Variants in KCNH1 observed in about 807,000 individuals in gnomAD.
KCNH1 encodes the protein voltage-gated delayed rectifier potassium channel KCNH1.
In KCNH1, 27 loss-of-function variants were observed where a neutral mutation model predicts 69.2. That is an observed-to-expected ratio of 0.39 (90% confidence interval 0.29 to 0.54). The LOEUF (loss-of-function observed/expected upper bound fraction) is 0.54, where lower values mean the gene tolerates loss of function less well. KCNH1 is among the 20% of genes least tolerant of loss of function. KCNH1 has a pLI of 0.68. For synonymous variants in KCNH1, 456 were observed against 487.7 expected, an observed-to-expected ratio of 0.93 and a Z score of 0.86; for missense variants, 798 against 1,261.6, an observed-to-expected ratio of 0.63 and a Z score of 5.57.
rs376446063 is a variant in KCNH1, at chr1:210,901,243, G to T, written c.1462+18397C>A. Among the ~76,000 whole-genome samples the T allele has an allele frequency of 8.2e-4, 125 of 152,110 alleles. 1 individual carries two copies. In the South Asian group the frequency reaches 0.025, roughly 30 times the overall value. On this transcript the variant is annotated intron_variant, in intron 7 of 10. Transcript: ENST00000271751. ...AAGATACTAGTCTCACAAATGCTCT[G>T]CCCCCAACCCTACCACAGCCAATTC... is the stretch of plus-strand genomic sequence containing the variant.
At chr1:210,956,658 A>G (rs569442289) in intron 6 of KCNH1, among the ~76,000 whole-genome samples, 4 of 151,778 alleles carry the variant, frequency 2.6e-5, no homozygotes, top group African/African-American at 9.7e-5. Context: ...ATATGTGTCC[A>G]GGAATTTATC....
intron 6 of KCNH1, among the ~76,000 whole-genome samples, chr1:210,987,970 G>C (rs1688872448): frequency 6.6e-6 from 1 of 152,226 alleles, no homozygotes; most frequent in African/African-American, 2.4e-5. Context: ...ACCTAATCAA[G>C]CCTGGGCAAT....
chr1:210,988,895 A>G (rs1341945497), intron 6 of KCNH1, among the ~76,000 whole-genome samples: 1 of 152,230 alleles, frequency 6.6e-6, no homozygotes, highest in Non-Finnish European at 1.5e-5. Flanking sequence ...AATAAATTTC[A>G]TTCACTGAAA....
In KCNH1 at chr1:210,705,178, A is replaced by G. The variant is rs1018460042; in HGVS notation, c.2113-21040T>C. Among the ~76,000 whole-genome samples the G allele has an allele frequency of 3.3e-5, 5 of 152,312 alleles. No homozygotes were observed. The South Asian group carries it at 1.0e-3, about 32-fold the overall frequency. On this transcript the variant is annotated intron_variant, in intron 10 of 10. Coordinates refer to ENST00000271751, the MANE Select transcript of KCNH1 (RefSeq NM_172362.3). ...TCCCTGCCAGGCTGAGGGTGGGGAA[A>G]AGAGCCGAGGGCACCCGCTGAGAAG...
At position 210,746,618 on chromosome 1, in the gene KCNH1, G is replaced by C. The variant is rs1475416824; in HGVS notation, c.2112+28730C>G. ...GCTCTGTCACAGTGGCATGATCTCA[G>C]CTCACTGCAACCTCCACCTCATGGG... On this transcript the variant is annotated intron_variant, in intron 10 of 10. Coordinates refer to ENST00000271751, the MANE Select transcript of KCNH1 (RefSeq NM_172362.3). 1.1e-4 allele frequency among the ~76,000 whole-genome samples: 16 copies of C among 151,628 alleles called. 1 individual carries two copies. The highest frequency in any genetic ancestry group is 2.4e-4 in the Non-Finnish European group (16 of 67,948).
chr1:210,847,015 C>A (rs2102461387), intron 7 of KCNH1, among the ~76,000 whole-genome samples: 1 of 152,306 alleles, frequency 6.6e-6, no homozygotes, highest in East Asian at 1.9e-4. Context: ...AAATGCAAAT[C>A]AAAACCACAA....
intron 6 of KCNH1, among the ~76,000 whole-genome samples, chr1:210,930,251 T>C (rs1023305640): frequency 2.0e-5 from 3 of 152,122 alleles, no homozygotes; most frequent in African/African-American, 7.2e-5. Context: ...AGAACAAATC[T>C]GGAGGCATCA....
At chr1:211,010,218 C>T (rs939400004) in intron 6 of KCNH1, among the ~76,000 whole-genome samples, 9 of 152,074 alleles carry the variant, frequency 5.9e-5, no homozygotes, top group Non-Finnish European at 1.0e-4. Flanking sequence ...GGCAGAGGAA[C>T]AGGAGTTGGG....
At chr1:210,774,753 G>T (rs1363232822) in intron 10 of KCNH1, among the ~76,000 whole-genome samples, 1 of 152,104 alleles carries the variant, frequency 6.6e-6, no homozygotes, top group African/African-American at 2.4e-5. Context: ...GAGAGTGAAA[G>T]AAACAATTTC....
At chr1:210,771,078 T>A (rs540895987) in intron 10 of KCNH1, among the ~76,000 whole-genome samples, 1 of 152,182 alleles carries the variant, frequency 6.6e-6, no homozygotes, top group Non-Finnish European at 1.5e-5. Flanking sequence ...TTGTACAATA[T>A]CTGGAGTTGG....
rs1251065439 is a variant in KCNH1, at chr1:210,775,401, A to G, written c.2059T>C (p.Phe687Leu). 1 of 1,614,050 alleles carries G rather than the reference A, an allele frequency of 6.2e-7. No individual in the cohort carries two copies. The highest frequency in any genetic ancestry group is 1.3e-5 in the African/African-American group (1 of 74,932). The change falls in exon 10 of 11, where the codon TTC (phenylalanine) becomes CTC (leucine). Residue 687 changes from phenylalanine (F) to leucine (L), a missense_variant. Physicochemically the swap from Phe to Leu is conservative, Grantham distance 22. Coordinates refer to ENST00000271751, the MANE Select transcript of KCNH1 (RefSeq NM_172362.3). ...LQKVLEFYTAFSHSFSRNLIL... is the reference protein window; with the variant it reads ...LQKVLEFYTALSHSFSRNLIL... Reference sequence around the variant, plus strand: ...AGGTTCCGGGAGAAGGAATGGGAGAAGGCCGTGTAGAATTCCAGCACTTTC... The same window carrying G: ...AGGTTCCGGGAGAAGGAATGGGAGAGGGCCGTGTAGAATTCCAGCACTTTC...
intron 7 of KCNH1, chr1:210,862,206 G>T (rs1685994195): frequency 3.3e-6 from 4 of 1,216,846 alleles, no homozygotes; most frequent in Non-Finnish European, 4.9e-6. Context: ...GTGCTTCATT[G>T]AGCTGGCGCT....
chr1:210,984,833 T>A (rs964695263), intron 6 of KCNH1, among the ~76,000 whole-genome samples: 10 of 152,320 alleles, frequency 6.6e-5, no homozygotes, highest in African/African-American at 1.2e-4. Context: ...CTTTTTCTAT[T>A]GATTGGAATA....
At chr1:211,116,212 T>G (rs1691579299) in intron 1 of KCNH1, among the ~76,000 whole-genome samples, 1 of 152,114 alleles carries the variant, frequency 6.6e-6, no homozygotes, top group Non-Finnish European at 1.5e-5. Flanking sequence ...AATGCTAAAC[T>G]CATTCAAAAA....
intron 7 of KCNH1, among the ~76,000 whole-genome samples, chr1:210,913,029 A>C (rs1687265847): frequency 6.6e-6 from 1 of 152,258 alleles, no homozygotes; most frequent in Non-Finnish European, 1.5e-5. Context: ...GAAGTGACAG[A>C]GGGTTATGAA....
At chr1:211,063,878 T>A (rs368705999) in intron 5 of KCNH1, 26 of 152,258 alleles carry the variant, frequency 1.7e-4, no homozygotes, top group African/African-American at 6.3e-4. Context: ...CTTGAGGTGA[T>A]GGATACCCCA....
At chr1:210,774,898 A>C (rs1683831346) in intron 10 of KCNH1, among the ~76,000 whole-genome samples, 1 of 152,214 alleles carries the variant, frequency 6.6e-6, no homozygotes, top group African/African-American at 2.4e-5. Context: ...AATCATTTTC[A>C]TATCTGTTAA....
chr1:210,740,681 C>T (rs1458098586), intron 10 of KCNH1, among the ~76,000 whole-genome samples: 1 of 135,938 alleles, frequency 7.4e-6, no homozygotes, highest in Non-Finnish European at 1.6e-5. Flanking sequence ...GAGAAAAAGT[C>T]TCTGATTAAA....
At chr1:211,020,492 A>T (rs1209908423) in intron 5 of KCNH1, among the ~76,000 whole-genome samples, 1 of 37,058 alleles carries the variant, frequency 2.7e-5, no homozygotes, top group Non-Finnish European at 6.0e-5. Context: ...AATCAGTAAT[A>T]AAAAAAAAAA....
Sources: allele counts gnomAD v4.1 joint callset (sites outside exome capture counted in the v4.1 genomes callset), GRCh38; gene constraint gnomAD v4.1.1; transcripts MANE v1.5; gene names NCBI Gene and HGNC (gene_info 2026-07-23, HGNC 2026-07-21).